IMPG2: variants seen among roughly 807,000 people sequenced by gnomAD.
IMPG2 encodes the protein IPM 200.
A neutral mutation model predicts 129.2 loss-of-function variants in IMPG2; 91 were observed. That is an observed-to-expected ratio of 0.70 (90% CI 0.59 to 0.84). IMPG2 has a LOEUF of 0.84. Among genes scored for constraint, IMPG2 ranks in the 40% least tolerant of loss-of-function variants. The pLI is 0.00. For synonymous variants in IMPG2, 510 were observed against 517.7 expected (o/e 0.99, Z 0.20); for missense variants, 1,430 against 1,461.7 (o/e 0.98, Z 0.35).
chr3:101,307,980 C>CA (rs1419608660), intron 2 of IMPG2, among the ~76,000 whole-genome samples: 1 of 152,050 alleles, frequency 6.6e-6, no homozygotes, highest in Non-Finnish European at 1.5e-5. Context: ...AGAAATTGGC[C>CA]AAAATTGGCC....
intron 1 of IMPG2, 104 bp downstream of exon 1, chr3:101,320,184 T>C: frequency 1.3e-6 from 1 of 752,628 alleles, no homozygotes; most frequent in South Asian, 1.6e-5. Context: ...AATAAAGTAG[T>C]ATTTGATTCC....
intron 11 of IMPG2, 72 bp from the exon 12 acceptor site, chr3:101,246,177 T>C: frequency 1.4e-6 from 2 of 1,403,626 alleles, no homozygotes; most frequent in East Asian, 2.3e-5. Context: ...AAATACCACC[T>C]ATCTGTCTAT....
chr3:101,228,346 A>G (rs1403407152), intron 18 of IMPG2, among the ~76,000 whole-genome samples: 3 of 152,244 alleles, frequency 2.0e-5, no homozygotes, highest in African/African-American at 7.2e-5. Context: ...GTGAGGACTT[A>G]TGGCTACTCA....
intron 3 of IMPG2, among the ~76,000 whole-genome samples, chr3:101,291,983 C>G (rs1007170308): frequency 1.3e-5 from 2 of 151,936 alleles, no homozygotes; most frequent in Admixed American, 6.6e-5. Context: ...TGGATTATTC[C>G]CCAGGGGCAT....
chr3:101,242,315 A>T (rs6769287), intron 14 of IMPG2, among the ~76,000 whole-genome samples: 1,702 of 152,346 alleles, frequency 0.011, 35 homozygotes, highest in African/African-American at 0.038. Context: ...TGACATTTAT[A>T]TAAGGCTTAA....
At chr3:101,229,262 C>T in intron 17 of IMPG2, 118 bp downstream of exon 17, 2 of 866,168 alleles carry the variant, frequency 2.3e-6, no homozygotes, top group East Asian at 2.5e-5. Flanking sequence ...TTTACACTTT[C>T]TTAAAGTCCA....
Position 101,244,605 on chromosome 3 carries a change from C to G in IMPG2, c.1726G>C (p.Val576Leu), listed in dbSNP as rs1405987961. The G allele has an allele frequency of 1.9e-6, 3 of 1,599,104 alleles. No individual in the cohort carries two copies. The highest frequency in any genetic ancestry group is 1.3e-5 in the African/African-American group (1 of 74,254). ...PFGLDSLTSK[V>L]KDQLKVSPFL... is the part of the protein sequence containing the mutation. ...GGGCTCACTTTTAATTGGTCTTTGACTTTGGAGGTCAAGGAGTCCAAGCCA... is the reference window on the plus strand; with the variant it reads ...GGGCTCACTTTTAATTGGTCTTTGAGTTTGGAGGTCAAGGAGTCCAAGCCA... The change falls in exon 13 of 19, where the codon GTC (valine) becomes CTC (leucine). Residue 576 changes from valine to leucine, a missense_variant. Physicochemically the swap from Val to Leu is conservative, Grantham distance 32. Coordinates refer to ENST00000193391, the MANE Select transcript of IMPG2 (RefSeq NM_016247.4).
chr3:101,256,141 AAAGAAAAGAAAGAAAG>A (rs1392860780), intron 10 of IMPG2, among the ~76,000 whole-genome samples: 17 of 144,160 alleles, frequency 1.2e-4, no homozygotes, highest in East Asian at 4.0e-4. Context: ...AGAAAGAAAG[AAAGAAAAGAAAGAAAG>A]AAAGAAAGAA....
At chr3:101,229,689 T>C in intron 16 of IMPG2, 99 bp from the exon 17 acceptor site, 1 of 1,019,196 alleles carries the variant, frequency 9.8e-7, no homozygotes, top group Admixed American at 2.0e-5. Context: ...GAAAAACAGG[T>C]GCACTTTACA....
rs1240647739 is a variant in IMPG2 at position 101,291,481 on chromosome 3, G to C, written c.531C>G (p.Ser177Arg). The change falls in exon 4 of 19, where the codon AGC (serine) becomes AGG (arginine). Residue 177 changes from serine (S) to arginine (R), a missense_variant and splice_region_variant. Ser to Arg is a moderately radical substitution (Grantham distance 110, BLOSUM62 -1). Coordinates refer to ENST00000193391, the MANE Select transcript of IMPG2 (RefSeq NM_016247.4). ...TTTTGGGAAAAAGAGACACTCACCT[G>C]CTTACAGTTTCCTTTGCATAAGTCA... Reference protein sequence around the residue: ...KKLTYAKETVSSSELSSPVPV... With the variant: ...KKLTYAKETVRSSELSSPVPV... The C allele has an allele frequency of 6.2e-7, 1 of 1,612,694 alleles. No individual in the cohort carries two copies. Among genetic ancestry groups the C allele is most frequent in the African/African-American group, 1.3e-5 (1 of 74,880 alleles).
At chr3:101,314,111 A>T (rs2058770634) in intron 2 of IMPG2, among the ~76,000 whole-genome samples, 1 of 152,130 alleles carries the variant, frequency 6.6e-6, no homozygotes, top group African/African-American at 2.4e-5. Flanking sequence ...TGGGATCTAC[A>T]ATGGCCCTAG....
intron 18 of IMPG2, among the ~76,000 whole-genome samples, chr3:101,228,350 C>T (rs779502072): frequency 1.3e-5 from 2 of 152,136 alleles, no homozygotes; most frequent in South Asian, 4.2e-4. Context: ...GGACTTATGG[C>T]TACTCAAATG....
chr3:101,267,544 A>G lies in IMPG2; in HGVS notation c.888-13T>C, dbSNP rs1706733460. 2 of 1,603,086 alleles carry G rather than the reference A, an allele frequency of 1.2e-6. No individual in the cohort carries two copies. Among genetic ancestry groups the G allele is most frequent in the African/African-American group, 2.7e-5 (2 of 74,698 alleles). ...TTCCTTGGGGGACCTGAAAACAAAA[A>G]TTAAAAATATTAAACAGAGTTTGAG... On this transcript the variant is annotated splice_polypyrimidine_tract_variant and intron_variant, in intron 8 of 18. Transcript: ENST00000193391.
chr3:101,246,250 A>G (rs530901304), intron 11 of IMPG2, 145 bp from the exon 12 acceptor site: 34 of 709,388 alleles, frequency 4.8e-5, no homozygotes, highest in East Asian at 4.3e-4. Flanking sequence ...AGGAGGAGAC[A>G]TGGGCTCCAG....
chr3:101,263,461 G>T (rs1706691243), intron 9 of IMPG2, among the ~76,000 whole-genome samples: 5 of 151,756 alleles, frequency 3.3e-5, no homozygotes, highest in Admixed American at 3.3e-4. Context: ...ATGATCAATG[G>T]GTGAAGAAAT....
At chr3:101,284,210 C>T (rs1157429664) in intron 4 of IMPG2, among the ~76,000 whole-genome samples, 1 of 152,140 alleles carries the variant, frequency 6.6e-6, no homozygotes, top group Non-Finnish European at 1.5e-5. Flanking sequence ...CATGGGAGAA[C>T]CAGGAGTTCA....
intron 4 of IMPG2, among the ~76,000 whole-genome samples, chr3:101,283,071 G>C (rs1292937712): frequency 1.3e-5 from 2 of 152,188 alleles, no homozygotes; most frequent in Non-Finnish European, 2.9e-5. Flanking sequence ...TGCCCAGGCT[G>C]GAGTGCAGTG....
At chr3:101,262,562 G>A (rs1188450922) in intron 9 of IMPG2, among the ~76,000 whole-genome samples, 1 of 151,854 alleles carries the variant, frequency 6.6e-6, no homozygotes, top group African/African-American at 2.4e-5. Context: ...GCTGACTAGA[G>A]ACACCTGGTA....
In IMPG2 at chr3:101,223,796, A is replaced by T. The variant is rs571046250; in HGVS notation, c.*3173T>A. ...GTGACAGATAATGCAGAAGAAGAAA[A>T]CAGAAGGTGAGAATAAAATCAGGTA... On this transcript the variant is annotated 3_prime_UTR_variant, in exon 19 of 19. Transcript: ENST00000193391. 1 of 152,328 alleles carries T rather than the reference A, an allele frequency of 6.6e-6. No homozygotes were observed. The highest frequency in any genetic ancestry group is 1.5e-5 in the Non-Finnish European group (1 of 68,028). The allele number at this position is 152,328 out of a possible 1,614,324, so 9.4% of individuals were successfully genotyped here. A position where few individuals can be genotyped will look rare whatever the true frequency, so the allele number is the denominator to read the frequency against.
Sources: gnomAD v4.1 joint callset for allele counts (sites outside exome capture counted in the v4.1 genomes callset) on GRCh38, gnomAD v4.1.1 for gene constraint, MANE v1.5 for transcripts, NCBI Gene and HGNC (gene_info 2026-07-23, HGNC 2026-07-21) for gene names.